Variants in COL24A1 observed in about 807,000 individuals in gnomAD.
The protein encoded by COL24A1 is collagen type XXIV alpha 1 chain.
A neutral mutation model predicts 253.9 loss-of-function variants in COL24A1; 224 were observed. The observed-to-expected ratio is 0.88, with a 90% CI of 0.79 to 0.99. The LOEUF (loss-of-function observed/expected upper bound fraction) is 0.99, where lower values mean the gene tolerates loss of function less well. Ranked by LOEUF, COL24A1 falls within the 50% of genes least tolerant of loss-of-function variation. The pLI, the probability that COL24A1 is intolerant of heterozygous loss-of-function variation, is 0.00. For synonymous variants in COL24A1, 685 were observed against 673.7 expected (o/e 1.02, Z -0.26); for missense variants, 2,131 against 2,068.5 (o/e 1.03, Z -0.59).
At chr1:86,012,151 T>C (rs1301002560) in intron 19 of COL24A1, among the ~76,000 whole-genome samples, 1 of 151,994 alleles carries the variant, frequency 6.6e-6, no homozygotes, top group Non-Finnish European at 1.5e-5. Context: ...AAAATAAATT[T>C]AAAAAAAGTT....
chr1:86,122,119 T>A (rs2102240001), intron 3 of COL24A1, among the ~76,000 whole-genome samples: 1 of 152,222 alleles, frequency 6.6e-6, no homozygotes, highest in Admixed American at 6.5e-5. Flanking sequence ...GCGCTGAAGT[T>A]AGGATTCTCA....
At chr1:85,917,109 C>G (rs1048824816) in intron 24 of COL24A1, among the ~76,000 whole-genome samples, 1 of 152,084 alleles carries the variant, frequency 6.6e-6, no homozygotes, top group African/African-American at 2.4e-5. Context: ...AATTAATAGA[C>G]CAGATCTATA....
intron 3 of COL24A1, among the ~76,000 whole-genome samples, chr1:86,123,661 TC>T (rs971628106): frequency 2.6e-5 from 4 of 152,062 alleles, no homozygotes; most frequent in African/African-American, 9.7e-5. Context: ...GTAAATGGCT[TC>T]CATAACTATT....
intron 55 of COL24A1, among the ~76,000 whole-genome samples, chr1:85,760,010 G>A (rs1026223478): frequency 1.3e-5 from 2 of 152,030 alleles, no homozygotes; most frequent in Non-Finnish European, 2.9e-5. Context: ...AGGAGGAAAG[G>A]AAGAATAAAC....
chr1:86,066,841 G>A (rs369532709), intron 7 of COL24A1, among the ~76,000 whole-genome samples: 3 of 152,176 alleles, frequency 2.0e-5, no homozygotes, highest in African/African-American at 7.2e-5. Flanking sequence ...AAGCAGATAT[G>A]AGTTACTTCA....
At chr1:85,747,553 A>C (rs76788212) in intron 55 of COL24A1, among the ~76,000 whole-genome samples, 3,727 of 152,230 alleles carry the variant, frequency 0.024, 157 homozygotes, top group African/African-American at 0.086. Context: ...CCAAAACAAA[A>C]AAATTAATGA....
At chr1:86,115,266 A>C (rs1706026981) in intron 4 of COL24A1, 59 bp downstream of exon 4, 1 of 1,559,182 alleles carries the variant, frequency 6.4e-7, no homozygotes, top group Non-Finnish European at 8.8e-7. Flanking sequence ...TACTAGAAAA[A>C]ACATGTTAGA....
rs889005510 is a variant in COL24A1, at chr1:85,737,634, G to A, written c.4673-129C>T. On this transcript the variant is annotated intron_variant, in intron 57 of 59. Transcript: ENST00000370571. Reference sequence around the variant, plus strand: ...GCTGGAGTGCAGCGGTGCGATCTTGGCTCACTGTAACCTCCGCTTCCTGGG... The same window carrying A: ...GCTGGAGTGCAGCGGTGCGATCTTGACTCACTGTAACCTCCGCTTCCTGGG... The A allele has an allele frequency of 7.3e-5, 42 of 579,276 alleles. No homozygotes were observed. The East Asian group carries it at 1.4e-3, about 19-fold the overall frequency. The allele number at this position is 579,276 out of a possible 1,614,324, so 35.9% of individuals were successfully genotyped here.
chr1:85,830,512 T>A (rs1255527431), intron 43 of COL24A1, among the ~76,000 whole-genome samples: 4 of 151,902 alleles, frequency 2.6e-5, no homozygotes, highest in Non-Finnish European at 4.4e-5. Context: ...CGGGTGCCCC[T>A]CCCCCAGCCT....
At position 86,097,024 on chromosome 1, in the gene COL24A1, C is replaced by A. The variant is rs1030318161; in HGVS notation, c.1600-4704G>T. ...ACAGACAAATCCACCATTCTTTCAC[C>A]AGGCTATCACTGACGCTCTGTTTTT... On this transcript the variant is annotated intron_variant, in intron 5 of 59. Coordinates refer to ENST00000370571, the MANE Select transcript of COL24A1 (RefSeq NM_152890.7). Among the ~76,000 whole-genome samples the A allele has an allele frequency of 5.9e-5, 9 of 152,300 alleles. No individual in the cohort carries two copies. In the South Asian group the frequency reaches 1.9e-3, roughly 32 times the overall value.
At chr1:85,913,838 G>A (rs966646804) in intron 24 of COL24A1, among the ~76,000 whole-genome samples, 9 of 152,172 alleles carry the variant, frequency 5.9e-5, no homozygotes, top group South Asian at 4.1e-4. Flanking sequence ...AAATTCTTCC[G>A]GAATGAAGGT....
intron 12 of COL24A1, among the ~76,000 whole-genome samples, chr1:86,039,709 T>C (rs1050902826): frequency 4.6e-5 from 7 of 152,206 alleles, no homozygotes; most frequent in African/African-American, 1.4e-4. Context: ...GACTAACTTG[T>C]CTAGAATTAG....
intron 57 of COL24A1, among the ~76,000 whole-genome samples, chr1:85,741,128 AAAAAG>A (rs752819577): frequency 1.5e-4 from 23 of 151,224 alleles, no homozygotes; most frequent in South Asian, 4.2e-4. Context: ...CAAAAAAAAA[AAAAAG>A]AAAAGAAAAG....
chr1:85,766,399 GAAAGAA>G (rs1667383703), intron 53 of COL24A1, among the ~76,000 whole-genome samples: 4 of 130,590 alleles, frequency 3.1e-5, no homozygotes, highest in African/African-American at 8.5e-5. Flanking sequence ...AAGAAAGAAA[GAAAGAA>G]AAAGAAAAAG....
chr1:86,013,498 C>G (rs1696722319), intron 19 of COL24A1, among the ~76,000 whole-genome samples: 1 of 152,174 alleles, frequency 6.6e-6, no homozygotes, highest in Non-Finnish European at 1.5e-5. Flanking sequence ...ATGTACAGAG[C>G]TTTGTGACTA....
Position 86,111,259 on chromosome 1 carries a change from G to C in COL24A1, c.1599+1308C>G, listed in dbSNP as rs535265716. Among the ~76,000 whole-genome samples, 5 of 151,796 alleles carry C rather than the reference G, an allele frequency of 3.3e-5. No homozygotes were observed. In the South Asian group the frequency reaches 1.0e-3, roughly 32 times the overall value. On this transcript the variant is annotated intron_variant, in intron 5 of 59. Transcript: ENST00000370571. ...CACTCTGTATCTAGCTAATCTGGCG[G>C]GGACTTGGAGAAGTTTTATGTCTAG...
intron 9 of COL24A1, among the ~76,000 whole-genome samples, chr1:86,058,590 T>C (rs1423039932): frequency 6.6e-6 from 1 of 151,592 alleles, no homozygotes; most frequent in Non-Finnish European, 1.5e-5. Context: ...AAAGAAAGCT[T>C]GTTCTATTAT....
At chr1:86,109,629 T>C (rs1705338861) in intron 5 of COL24A1, among the ~76,000 whole-genome samples, 2 of 152,244 alleles carry the variant, frequency 1.3e-5, no homozygotes, top group South Asian at 4.1e-4. Flanking sequence ...TATGATTTCA[T>C]GTTTACTTCT....
intron 35 of COL24A1, among the ~76,000 whole-genome samples, chr1:85,872,126 C>T (rs1188678109): frequency 5.3e-5 from 8 of 152,094 alleles, no homozygotes; most frequent in South Asian, 2.1e-4. Context: ...ACCTAGGAAT[C>T]CAGCTTACAA....
Sources: allele counts gnomAD v4.1 joint callset (sites outside exome capture counted in the v4.1 genomes callset), GRCh38; gene constraint gnomAD v4.1.1; transcripts MANE v1.5; gene names NCBI Gene and HGNC (gene_info 2026-07-23, HGNC 2026-07-21).